The following ANXA4 variants were observed in gnomAD, a reference collection of about 807,000 sequenced individuals.
ANXA4 encodes annexin A4, also known as 35-beta calcimedin.
A neutral mutation model predicts 49.8 loss-of-function variants in ANXA4; 39 were observed. That is an observed-to-expected ratio of 0.78 (90% CI 0.61 to 1.02). ANXA4 has a LOEUF of 1.02. Among genes scored for constraint, ANXA4 ranks in the 50% least tolerant of loss-of-function variants. ANXA4 has a pLI of 0.00. For missense variants in ANXA4, 360 were observed against 410.1 expected (o/e 0.88, Z 1.05); for synonymous variants, 134 against 152.5 (o/e 0.88, Z 0.89).
intron 2 of ANXA4, among the ~76,000 whole-genome samples, chr2:69,662,412 G>C (rs4852905): frequency 0.42 from 63,930 of 150,764 alleles, 15,226 homozygotes; most frequent in East Asian, 0.77. Flanking sequence ...AGATTTAAGG[G>C]AAGGGGATTA....
chr2:69,722,810 C>A (rs1669848071), intron 3 of ANXA4, among the ~76,000 whole-genome samples: 1 of 151,344 alleles, frequency 6.6e-6, no homozygotes, highest in South Asian at 2.1e-4. Context: ...ATAGCAAAAA[C>A]AAATAAATGG....
intron 2 of ANXA4, among the ~76,000 whole-genome samples, chr2:69,704,600 G>A (rs1232061118): frequency 6.6e-6 from 1 of 152,310 alleles, no homozygotes; most frequent in East Asian, 1.9e-4. Flanking sequence ...TTCTCATCAT[G>A]CCGCGGGCTA....
chr2:69,733,343 C>T (rs1670154816), intron 3 of ANXA4, among the ~76,000 whole-genome samples: 1 of 152,194 alleles, frequency 6.6e-6, no homozygotes. Flanking sequence ...GTGGCTCACA[C>T]CTGTAATCCC....
intron 3 of ANXA4, among the ~76,000 whole-genome samples, chr2:69,792,487 T>C (rs943702453): frequency 6.6e-6 from 1 of 152,212 alleles, no homozygotes; most frequent in African/African-American, 2.4e-5. Flanking sequence ...AGATTAGCAT[T>C]TTAAGAAAAC....
chr2:69,711,121 G>A (rs1678665405), intron 2 of ANXA4, among the ~76,000 whole-genome samples: 1 of 152,176 alleles, frequency 6.6e-6, no homozygotes, highest in Non-Finnish European at 1.5e-5. Flanking sequence ...CTTGAGATCA[G>A]GAGTTTGAGA....
intron 4 of ANXA4, 32 bp from the exon 5 acceptor site, chr2:69,806,348 TATAGC>T (rs762792243): frequency 5.4e-6 from 8 of 1,467,916 alleles, no homozygotes; most frequent in Non-Finnish European, 5.7e-6. Context: ...TCTAATTTGC[TATAGC>T]AGTTAAGCGG....
intron 1 of ANXA4, among the ~76,000 whole-genome samples, chr2:69,648,409 G>A (rs1676089911): frequency 6.6e-6 from 1 of 152,164 alleles, no homozygotes. Flanking sequence ...TGAGTAAGAG[G>A]GAGGGGCAGA....
intron 2 of ANXA4, 57 bp downstream of exon 2, chr2:69,781,631 G>A: frequency 1.2e-6 from 2 of 1,601,472 alleles, no homozygotes; most frequent in South Asian, 2.2e-5. Flanking sequence ...GGTACAGAAT[G>A]TGGGCTCAGC....
chr2:69,666,482 A>G (rs538431427), intron 2 of ANXA4, among the ~76,000 whole-genome samples: 2 of 152,362 alleles, frequency 1.3e-5, no homozygotes, highest in East Asian at 3.9e-4. Context: ...TTCCAGTCAT[A>G]GTGATATACC....
chr2:69,681,766 G>A (rs978155505), intron 2 of ANXA4, among the ~76,000 whole-genome samples: 3 of 151,454 alleles, frequency 2.0e-5, no homozygotes, highest in East Asian at 1.9e-4. Context: ...TTTTAAGTCT[G>A]TATTTCATTT....
intron 7 of ANXA4, chr2:69,811,100 C>G (rs6546550): frequency 0.58 from 94,206 of 161,352 alleles, 29,960 homozygotes; most frequent in African/African-American, 0.84. Context: ...CAAAGAAAAG[C>G]CTTCATGACA....
At position 69,826,515 on chromosome 2, in the gene ANXA4, G is replaced by C. The variant is rs909347874; in HGVS notation, c.*1000G>C. ...AATGGTGTTTTTAGGCCGGGGGCGG[G>C]GGCTCACGCCAGTAATCCCAACACT... On this transcript the variant is annotated 3_prime_UTR_variant, in exon 13 of 13. Transcript: ENST00000394295. 3.3e-5 allele frequency: 5 copies of C among 152,070 alleles called. No homozygotes were observed. The highest frequency in any genetic ancestry group is 1.2e-4 in the African/African-American group (5 of 41,400). The allele number at this position is 152,070 out of a possible 1,614,324, so 9.4% of individuals were successfully genotyped here.
intron 1 of ANXA4, among the ~76,000 whole-genome samples, chr2:69,772,643 G>C (rs1389039519): frequency 6.6e-6 from 1 of 152,186 alleles, no homozygotes; most frequent in Non-Finnish European, 1.5e-5. Flanking sequence ...CATTTGTGTA[G>C]ACTGACTTTA....
intron 3 of ANXA4, among the ~76,000 whole-genome samples, chr2:69,796,386 C>A (rs1672946266): frequency 6.6e-6 from 1 of 152,200 alleles, no homozygotes; most frequent in Admixed American, 6.5e-5. Context: ...AAGGTGGCCA[C>A]CTTCAGGAGA....
At chr2:69,656,297 ATATATATG>A (rs1375761749) in intron 2 of ANXA4, among the ~76,000 whole-genome samples, 11 of 92,518 alleles carry the variant, frequency 1.2e-4, no homozygotes, top group African/African-American at 2.9e-4. Context: ...ACATATATGT[ATATATATG>A]TATATATGTA....
upstream of ANXA4, chr2:69,644,018 A>C (rs1675889406): frequency 2.3e-6 from 1 of 434,126 alleles, no homozygotes; most frequent in South Asian, 1.0e-4. Flanking sequence ...CGGCTGCTGG[A>C]CTACAAATCC....
intron 3 of ANXA4, 118 bp from the exon 4 acceptor site, chr2:69,804,415 C>T (rs1673346128): frequency 2.4e-6 from 2 of 836,048 alleles, no homozygotes; most frequent in Admixed American, 2.5e-5. Context: ...TGAATAAGGG[C>T]CTCTTTTCTT....
At chr2:69,767,086 G>T (rs913889946) in intron 1 of ANXA4, among the ~76,000 whole-genome samples, 1 of 152,218 alleles carries the variant, frequency 6.6e-6, no homozygotes, top group African/African-American at 2.4e-5. Flanking sequence ...CTTTAAGCCT[G>T]GAGGGGCGCT....
intron 2 of ANXA4, among the ~76,000 whole-genome samples, chr2:69,785,416 G>C (rs1463877254): frequency 6.6e-6 from 1 of 152,122 alleles, no homozygotes; most frequent in African/African-American, 2.4e-5. Context: ...CACTGTTTAT[G>C]CCACCTTGTA....
Sources: allele counts gnomAD v4.1 joint callset (sites outside exome capture counted in the v4.1 genomes callset), GRCh38; gene constraint gnomAD v4.1.1; transcripts MANE v1.5; gene names NCBI Gene and HGNC (gene_info 2026-07-23, HGNC 2026-07-21).